The following SLC5A8 variants were observed in gnomAD, a reference collection of about 807,000 sequenced individuals.
SLC5A8 encodes the protein solute carrier family 5 member 8.
A neutral mutation model predicts 71.9 loss-of-function variants in SLC5A8; 55 were observed. That is an observed-to-expected ratio of 0.77 (90% CI 0.62 to 0.96). The LOEUF (loss-of-function observed/expected upper bound fraction) is 0.96. Ranked by LOEUF, SLC5A8 falls within the 40% of genes least tolerant of loss-of-function variation. SLC5A8 has a pLI of 0.00. For missense variants in SLC5A8, 701 were observed against 745.3 expected (o/e 0.94, Z 0.69); for synonymous variants, 307 against 276.1 (o/e 1.11, Z -1.11).
intron 8 of SLC5A8, among the ~76,000 whole-genome samples, chr12:101,183,631 C>T (rs755650621): frequency 1.3e-5 from 2 of 152,032 alleles, no homozygotes; most frequent in Non-Finnish European, 2.9e-5. Context: ...TTCCTGAATC[C>T]CCACTAACAC....
In SLC5A8 at chr12:101,184,162, C is replaced by T; in HGVS notation, c.1024G>A (p.Val342Met). The T allele has an allele frequency of 1.2e-6, 2 of 1,614,114 alleles. No individual in the cohort carries two copies. The highest frequency in any genetic ancestry group is 2.2e-5 in the South Asian group (2 of 91,076). Residue 342 changes from valine to methionine, a missense_variant, in exon 8 of 15, where the codon GTG becomes ATG. Transcript: ENST00000536262. Reference sequence around the variant, plus strand: ...AATGTCCCACTGTAAGCACAGGCCACAAAAAGTCCAGGAAGTCCTGGATAA... The same window carrying T: ...AATGTCCCACTGTAAGCACAGGCCATAAAAAGTCCAGGAAGTCCTGGATAA... ...QDYPGLPGLF[V>M]ACAYSGTLST...
In SLC5A8 at chr12:101,167,642, A is replaced by T. The variant is rs56267077; in HGVS notation, c.1320+454T>A. On this transcript the variant is annotated intron_variant, in intron 11 of 14. Transcript: ENST00000536262. ...CTTTGGGGCTAAATCATGTTGTGGG[A>T]GCTACAGCTTTAAATGTCAGGAGTA... is the stretch of plus-strand genomic sequence containing the variant. 1.0e-3 allele frequency among the ~76,000 whole-genome samples: 156 copies of T among 152,306 alleles called. 1 individual carries two copies. The highest frequency in any genetic ancestry group is 1.8e-3 in the Non-Finnish European group (125 of 68,018).
intron 6 of SLC5A8, among the ~76,000 whole-genome samples, chr12:101,188,703 T>C (rs1205831571): frequency 6.6e-6 from 1 of 152,120 alleles, no homozygotes; most frequent in Non-Finnish European, 1.5e-5. Flanking sequence ...AACCTCAGAG[T>C]CTGCTTCCGG....
chr12:101,165,302 C>T (rs10860696), intron 12 of SLC5A8, among the ~76,000 whole-genome samples: 29,394 of 152,134 alleles, frequency 0.19, 3,198 homozygotes, highest in African/African-American at 0.28. Context: ...AACCATTTTG[C>T]CTTAGACTTT....
chr12:101,198,152 T>C (rs1390760805), intron 3 of SLC5A8, among the ~76,000 whole-genome samples: 2 of 151,970 alleles, frequency 1.3e-5, no homozygotes, highest in Non-Finnish European at 2.9e-5. Flanking sequence ...TATCAAAATA[T>C]ATGGGCTGCA....
At chr12:101,204,593 T>A in intron 1 of SLC5A8, 28 bp from the exon 2 acceptor site, 1 of 1,504,556 alleles carries the variant, frequency 6.6e-7, no homozygotes, top group Non-Finnish European at 9.0e-7. Context: ...ATTATGCGAA[T>A]CCTCTGGATG....
At chr12:101,192,331 C>T (rs1593378727) in intron 5 of SLC5A8, among the ~76,000 whole-genome samples, 1 of 152,286 alleles carries the variant, frequency 6.6e-6, no homozygotes, top group South Asian at 2.1e-4. Context: ...TGACCCTGTC[C>T]AATTTCTGAA....
rs149600302 is a variant in SLC5A8 at position 101,166,555 on chromosome 12, A to G, written c.1465T>C (p.Leu489=). 14 of 1,613,884 alleles carry G rather than the reference A, an allele frequency of 8.7e-6. No individual in the cohort carries two copies. The African/African-American group carries it at 1.6e-4, about 18-fold the overall frequency. The change falls in exon 12 of 15, where the codon TTG becomes CTG. Residue 489 remains leucine (L), a synonymous_variant. Coordinates refer to ENST00000536262, the MANE Select transcript of SLC5A8 (RefSeq NM_145913.5). ...AATGGCATTTCTGTGGTTGTCATCA[A>G]ATTTGTCTCATTGTAGGTGCTGTTA... ...GCNSTYNETN[L]MTTTEMPFTT... is the part of the protein sequence containing the mutation.
intron 6 of SLC5A8, 136 bp from the exon 7 acceptor site, chr12:101,187,651 T>A: frequency 2.1e-6 from 2 of 942,360 alleles, no homozygotes; most frequent in Non-Finnish European, 3.0e-6. Context: ...TATCGAAAAC[T>A]CTACTTATTT....
chr12:101,200,045 AAAAAAAAAAG>A lies in SLC5A8; in HGVS notation c.469+2109_469+2118del, dbSNP rs1869382860. On this transcript the variant is annotated intron_variant, in intron 3 of 14. Coordinates refer to ENST00000536262, the MANE Select transcript of SLC5A8 (RefSeq NM_145913.5). The stretch of plus-strand genomic sequence containing the variant: ...AAAAAAAAAAAAAAAAAAAAAAAAA[AAAAAAAAAAG>A]GGAATGAACTACTGATATATATGTA... 3.9e-5 allele frequency among the ~76,000 whole-genome samples: 4 copies of A among 102,734 alleles called. 1 individual carries two copies. In the South Asian group the frequency reaches 1.3e-3, roughly 33 times the overall value. 67.4% of individuals were successfully genotyped at this position (102,734 alleles called of 152,430 possible).
At chr12:101,183,702 T>C (rs1470857682) in intron 8 of SLC5A8, among the ~76,000 whole-genome samples, 1 of 152,156 alleles carries the variant, frequency 6.6e-6, no homozygotes. Flanking sequence ...AGGGCAATGA[T>C]AGATCACAAA....
At chr12:101,158,582 CTCTCTCTCTCTCTCTCTATATA>C (rs1211599675) in intron 13 of SLC5A8, among the ~76,000 whole-genome samples, 59 of 51,310 alleles carry the variant, frequency 1.1e-3, no homozygotes, top group African/African-American at 4.8e-3. Flanking sequence ...CTCTCTCTCT[CTCTCTCTCTCTCTCTCTATATA>C]TATATATATA....
chr12:101,194,437 C>T (rs972020555), intron 4 of SLC5A8, among the ~76,000 whole-genome samples: 1 of 152,160 alleles, frequency 6.6e-6, no homozygotes, highest in Non-Finnish European at 1.5e-5. Context: ...TATTTTGTCA[C>T]CCCTACCTAT....
chr12:101,169,054 G>A (rs1443434977), intron 10 of SLC5A8, among the ~76,000 whole-genome samples: 1 of 152,214 alleles, frequency 6.6e-6, no homozygotes. Context: ...ATGTGGTACT[G>A]AGTAGAGAGG....
At chr12:101,189,229 G>T (rs1206972430) in intron 6 of SLC5A8, among the ~76,000 whole-genome samples, 1 of 152,064 alleles carries the variant, frequency 6.6e-6, no homozygotes. Context: ...AAGTACAATA[G>T]ACTACTCTAT....
At chr12:101,171,195 A>G (rs1443420761) in intron 10 of SLC5A8, among the ~76,000 whole-genome samples, 5 of 152,140 alleles carry the variant, frequency 3.3e-5, no homozygotes, top group Non-Finnish European at 7.4e-5. Context: ...AGATTAAGCT[A>G]TGCTTGTAAG....
chr12:101,174,753 G>A (rs546501088), intron 10 of SLC5A8, among the ~76,000 whole-genome samples: 42 of 152,180 alleles, frequency 2.8e-4, no homozygotes, highest in Middle Eastern at 6.8e-3. Flanking sequence ...CCCCTATCCA[G>A]CATAACAAGG....
intron 1 of SLC5A8, among the ~76,000 whole-genome samples, chr12:101,208,598 C>A (rs1407274113): frequency 2.6e-5 from 4 of 152,008 alleles, no homozygotes; most frequent in Non-Finnish European, 5.9e-5. Flanking sequence ...CCCTTTCTTG[C>A]AGACAACTTG....
At chr12:101,184,558 A>T (rs1044719636) in intron 7 of SLC5A8, among the ~76,000 whole-genome samples, 1 of 152,218 alleles carries the variant, frequency 6.6e-6, no homozygotes, top group Non-Finnish European at 1.5e-5. Flanking sequence ...TAAAACTCAT[A>T]GTATAGTATA....
Sources: gnomAD v4.1 joint callset for allele counts (sites outside exome capture counted in the v4.1 genomes callset) on GRCh38, gnomAD v4.1.1 for gene constraint, MANE v1.5 for transcripts, NCBI Gene and HGNC (gene_info 2026-07-23, HGNC 2026-07-21) for gene names.